The following RPAP2 variants were observed in gnomAD, a reference collection of about 807,000 sequenced individuals.
RPAP2 encodes the protein RNA polymerase II associated protein 2.
A neutral mutation model predicts 73.1 loss-of-function variants in RPAP2; 52 were observed. The ratio of observed to expected loss-of-function variants is 0.71; its 90% CI spans 0.57 to 0.90. The LOEUF (loss-of-function observed/expected upper bound fraction) is 0.90. Ranked by LOEUF, RPAP2 falls within the 40% of genes least tolerant of loss-of-function variation. The probability of loss-of-function intolerance (pLI) is 0.00; values close to 1 mark genes in which losing one functional copy is unlikely to be tolerated. For synonymous variants in RPAP2, 225 were observed against 242.1 expected (o/e 0.93, Z 0.65); for missense variants, 598 against 701.8 (o/e 0.85, Z 1.67).
Position 92,395,777 on chromosome 1 carries a change from T to G in RPAP2, c.*8766T>G, listed in dbSNP as rs1656170219. On this transcript the variant is annotated 3_prime_UTR_variant, in exon 13 of 13. Transcript: ENST00000610020. The stretch of plus-strand genomic sequence containing the variant: ...AAAACTCAAAAATAAGGCAGACAAC[T>G]TAAAAATGGACAAAATGTTTGAATA... 6.6e-6 allele frequency: 1 copy of G among 152,092 alleles called. No homozygotes were observed. The highest frequency in any genetic ancestry group is 1.5e-5 in the Non-Finnish European group (1 of 68,030). The allele number at this position is 152,092 out of a possible 1,614,324, so 9.4% of individuals were successfully genotyped here. A position where few individuals can be genotyped will look rare whatever the true frequency, so the allele number is the denominator to read the frequency against.
Position 92,394,963 on chromosome 1 carries a change from G to C in RPAP2, c.*7952G>C, listed in dbSNP as rs1038784157. On this transcript the variant is annotated 3_prime_UTR_variant, in exon 13 of 13. Transcript: ENST00000610020. ...ACAGTGTGGTACTGATATAAAGATA[G>C]GCATACAGATCAGTGGAACAGAGTC... 2.6e-5 allele frequency: 4 copies of C among 152,258 alleles called. No individual in the cohort carries two copies. The highest frequency in any genetic ancestry group is 2.0e-4 in the Admixed American group (3 of 15,284). 9.4% of individuals were successfully genotyped at this position (152,258 alleles called of 1,614,324 possible).
chr1:92,335,329 T>C (rs1015428796), intron 9 of RPAP2, among the ~76,000 whole-genome samples: 3 of 152,208 alleles, frequency 2.0e-5, no homozygotes, highest in African/African-American at 7.2e-5. Context: ...TTATTACTAT[T>C]CTTTCTATTT....
intron 11 of RPAP2, among the ~76,000 whole-genome samples, chr1:92,351,341 A>G (rs1654206842): frequency 6.6e-6 from 1 of 151,332 alleles, no homozygotes; most frequent in South Asian, 2.1e-4. Context: ...AAGGACCATA[A>G]TGAATTGCAT....
rs773624435 is a variant in RPAP2, at chr1:92,323,415, T to C, written c.525-30T>C. 2.8e-5 allele frequency: 40 copies of C among 1,431,886 alleles called. No individual in the cohort carries two copies. In the Middle Eastern group the frequency reaches 5.5e-4, roughly 20 times the overall value. 88.7% of individuals were successfully genotyped at this position (1,431,886 alleles called of 1,614,324 possible). A position where few individuals can be genotyped will look rare whatever the true frequency, so the allele number is the denominator to read the frequency against. On this transcript the variant is annotated intron_variant, in intron 7 of 12. Transcript: ENST00000610020. ...CGGGTTTTATTTGCTATTTTTTATT[T>C]AGTTATTTTATTTCTCTTTCATTCT... is the stretch of plus-strand genomic sequence containing the variant.
intron 11 of RPAP2, among the ~76,000 whole-genome samples, chr1:92,371,246 A>T (rs186250288): frequency 5.9e-4 from 90 of 151,736 alleles, no homozygotes; most frequent in Non-Finnish European, 1.1e-3. Flanking sequence ...CAGAGTTCGC[A>T]GTGAGCTGAG....
intron 11 of RPAP2, among the ~76,000 whole-genome samples, chr1:92,375,638 C>T (rs1337815941): frequency 6.6e-6 from 1 of 152,156 alleles, no homozygotes. Flanking sequence ...GAAGATCAGT[C>T]TGGCCAACAT....
At chr1:92,309,561 A>G (rs1651459343) in intron 6 of RPAP2, among the ~76,000 whole-genome samples, 1 of 79,926 alleles carries the variant, frequency 1.3e-5, no homozygotes, top group East Asian at 7.0e-4. Context: ...ACATACACAT[A>G]CACATACACA....
chr1:92,320,524 C>T, intron 6 of RPAP2, 75 bp from the exon 7 acceptor site: 6 of 1,196,424 alleles, frequency 5.0e-6, no homozygotes, highest in Non-Finnish European at 6.2e-6. Context: ...GCCTGCCCAG[C>T]CTCCGAAAGT....
At chr1:92,365,660 A>G (rs895235994) in intron 11 of RPAP2, among the ~76,000 whole-genome samples, 5 of 152,352 alleles carry the variant, frequency 3.3e-5, no homozygotes, top group Admixed American at 6.5e-5. Context: ...CCTCTTGACT[A>G]TCACAAAGGA....
At chr1:92,304,179 G>T in intron 4 of RPAP2, 104 bp downstream of exon 4, 1 of 1,105,352 alleles carries the variant, frequency 9.0e-7, no homozygotes, top group Admixed American at 2.0e-5. Flanking sequence ...TGAACTAAAG[G>T]CATGGATTGG....
intron 2 of RPAP2, 84 bp from the exon 3 acceptor site, chr1:92,301,388 TAGTG>T (rs1485443082): frequency 1.8e-5 from 9 of 513,010 alleles, no homozygotes; most frequent in African/African-American, 4.0e-5. Flanking sequence ...AGTGGCAAAA[TAGTG>T]AGTTAGGTTA....
intron 11 of RPAP2, among the ~76,000 whole-genome samples, chr1:92,364,209 A>G (rs1335239598): frequency 6.6e-6 from 1 of 152,162 alleles, no homozygotes; most frequent in Non-Finnish European, 1.5e-5. Flanking sequence ...TCTTCCCCAT[A>G]TCTCCATACC....
At chr1:92,381,446 T>G (rs1016820144) in intron 12 of RPAP2, among the ~76,000 whole-genome samples, 2 of 152,214 alleles carry the variant, frequency 1.3e-5, no homozygotes, top group Admixed American at 1.3e-4. Flanking sequence ...TTCCTTGTCC[T>G]GCCTTAATTA....
chr1:92,379,945 A>C (rs1342205866), intron 11 of RPAP2, among the ~76,000 whole-genome samples: 2 of 150,604 alleles, frequency 1.3e-5, no homozygotes, highest in East Asian at 3.9e-4. Flanking sequence ...TTTAAAAATA[A>C]TAATAATATA....
At chr1:92,314,538 T>C (rs186150441) in intron 6 of RPAP2, among the ~76,000 whole-genome samples, 1 of 152,022 alleles carries the variant, frequency 6.6e-6, no homozygotes, top group East Asian at 1.9e-4. Context: ...TCACTTGAGG[T>C]CAGGAGTTCA....
rs1340038958 is a variant in RPAP2, at chr1:92,396,090, TGAGAA to T, written c.*9086_*9090del. The stretch of plus-strand genomic sequence containing the variant: ...TTTACCATATGATCCTGCTATTCCA[TGAGAA>T]GAGAAGTGGAAATGTGTTCACATCA... On this transcript the variant is annotated 3_prime_UTR_variant, in exon 13 of 13. Coordinates refer to ENST00000610020, the MANE Select transcript of RPAP2 (RefSeq NM_024813.3). 1 of 152,090 alleles carries T rather than the reference TGAGAA, an allele frequency of 6.6e-6. No homozygotes were observed. The highest frequency in any genetic ancestry group is 1.5e-5 in the Non-Finnish European group (1 of 68,016). The allele number at this position is 152,090 out of a possible 1,614,324, so 9.4% of individuals were successfully genotyped here.
chr1:92,361,447 T>G (rs1220453591), intron 11 of RPAP2, among the ~76,000 whole-genome samples: 1 of 152,168 alleles, frequency 6.6e-6, no homozygotes, highest in South Asian at 2.1e-4. Context: ...TTGTTGATAT[T>G]ATGGACTTAT....
At position 92,323,854 on chromosome 1, in the gene RPAP2, T is replaced by C; in HGVS notation, c.934T>C (p.Ser312Pro). ...NSTLPERLKA[S>P]ENSESEYSRS... Reference sequence around the variant, plus strand: ...CACTTTGCCTGAAAGATTAAAAGCGTCAGAAAATTCTGAAAGTGAATACAG... The same window carrying C: ...CACTTTGCCTGAAAGATTAAAAGCGCCAGAAAATTCTGAAAGTGAATACAG... Residue 312 changes from serine (S) to proline (P), a missense_variant, in exon 8 of 13, where the codon TCA becomes CCA. This residue lies in a region of RPAP2 where 506 missense variants were observed against 612.8 expected (regional missense o/e 0.83). Transcript: ENST00000610020. The C allele has an allele frequency of 2.5e-6, 4 of 1,613,934 alleles. No homozygotes were observed. The highest frequency in any genetic ancestry group is 2.5e-6 in the Non-Finnish European group (3 of 1,179,948).
intron 11 of RPAP2, among the ~76,000 whole-genome samples, chr1:92,359,443 C>T (rs1035187128): frequency 1.1e-4 from 16 of 152,244 alleles, no homozygotes; most frequent in African/African-American, 3.9e-4. Flanking sequence ...CCTCAGCCTC[C>T]GAAGTAGTTG....
Sources: gnomAD v4.1 joint callset for allele counts (sites outside exome capture counted in the v4.1 genomes callset) on GRCh38, gnomAD v4.1.1 for gene constraint, gnomAD v4.1.1 regional missense constraint, MANE v1.5 for transcripts, NCBI Gene and HGNC (gene_info 2026-07-23, HGNC 2026-07-21) for gene names.